NLGN1: variants seen among roughly 807,000 people sequenced by gnomAD.
The protein encoded by NLGN1 is neuroligin-1.
Under a neutral mutation model 65.5 loss-of-function variants are expected in NLGN1, and 12 were observed. That is an observed-to-expected ratio of 0.18 (90% CI 0.12 to 0.30). The LOEUF (loss-of-function observed/expected upper bound fraction) is 0.30, where lower values mean the gene tolerates loss of function less well. NLGN1 is among the 10% of genes least tolerant of loss of function. The pLI is 1.00. For missense variants in NLGN1, 750 were observed against 1,007.1 expected, an observed-to-expected ratio of 0.74 and a Z score of 3.46; for synonymous variants, 350 against 359.5, an observed-to-expected ratio of 0.97 and a Z score of 0.30.
At chr3:173,900,800 T>C (rs2152176155) in intron 4 of NLGN1, among the ~76,000 whole-genome samples, 1 of 152,098 alleles carries the variant, frequency 6.6e-6, no homozygotes, top group East Asian at 1.9e-4. Flanking sequence ...AGAATGACAG[T>C]AAAACAATTA....
chr3:173,842,871 C>T (rs1286751700), intron 4 of NLGN1, among the ~76,000 whole-genome samples: 1 of 152,196 alleles, frequency 6.6e-6, no homozygotes. Context: ...CTCCACTAGG[C>T]AGTGCCCTAG....
chr3:174,011,588 T>C lies in NLGN1; in HGVS notation c.646+203756T>C, dbSNP rs373893363. Among the ~76,000 whole-genome samples, 6 of 152,142 alleles carry C rather than the reference T, an allele frequency of 3.9e-5. No homozygotes were observed. The East Asian group carries it at 7.7e-4, about 20-fold the overall frequency. ...TACTAAAATGGTTGTAAGTGTGTAATTGCATTGAAGAAACCTGGGTTCAAG... is the reference window on the plus strand; with the variant it reads ...TACTAAAATGGTTGTAAGTGTGTAACTGCATTGAAGAAACCTGGGTTCAAG... On this transcript the variant is annotated intron_variant, in intron 4 of 6. Coordinates refer to ENST00000457714, the Ensembl canonical transcript of NLGN1.
chr3:173,492,339 C>G (rs945686438), intron 2 of NLGN1, among the ~76,000 whole-genome samples: 2 of 151,734 alleles, frequency 1.3e-5, no homozygotes, highest in African/African-American at 4.9e-5. Context: ...TTTAATGAGC[C>G]TAAGCATTTC....
chr3:173,660,018 A>G (rs1319812353), intron 3 of NLGN1, among the ~76,000 whole-genome samples: 1 of 151,810 alleles, frequency 6.6e-6, no homozygotes, highest in Non-Finnish European at 1.5e-5. Flanking sequence ...CTCCTTCTAT[A>G]CTTTGTTGAT....
chr3:174,141,918 ATTAT>A (rs1337371232), intron 4 of NLGN1, among the ~76,000 whole-genome samples: 1 of 152,220 alleles, frequency 6.6e-6, no homozygotes, highest in South Asian at 2.1e-4. Context: ...CTACATTTAT[ATTAT>A]TTATTTCATG....
intron 4 of NLGN1, among the ~76,000 whole-genome samples, chr3:173,846,687 T>G (rs1001195632): frequency 6.6e-6 from 1 of 152,214 alleles, no homozygotes; most frequent in African/African-American, 2.4e-5. Flanking sequence ...GACATTTTAC[T>G]CTACTGAGGA....
intron 4 of NLGN1, among the ~76,000 whole-genome samples, chr3:174,195,410 A>T (rs1733224305): frequency 6.6e-6 from 1 of 152,250 alleles, no homozygotes; most frequent in Admixed American, 6.5e-5. Context: ...AAAGTCCAGT[A>T]AGTAGACTTA....
At chr3:174,086,043 A>G (rs1053064565) in intron 4 of NLGN1, among the ~76,000 whole-genome samples, 1 of 151,954 alleles carries the variant, frequency 6.6e-6, no homozygotes, top group Admixed American at 6.6e-5. Context: ...TAATTTTTAA[A>G]AGGCCAAATA....
At chr3:173,742,368 A>G (rs375727323) in intron 3 of NLGN1, among the ~76,000 whole-genome samples, 4 of 152,014 alleles carry the variant, frequency 2.6e-5, no homozygotes, top group South Asian at 4.2e-4. Flanking sequence ...AATTGATTAA[A>G]TGTAATTAAC....
At chr3:173,552,015 T>G (rs1740950278) in intron 2 of NLGN1, among the ~76,000 whole-genome samples, 1 of 152,218 alleles carries the variant, frequency 6.6e-6, no homozygotes, top group Non-Finnish European at 1.5e-5. Context: ...ATTCAGGAGC[T>G]GGCTACTGTT....
At chr3:174,062,755 T>C (rs2152520804) in intron 4 of NLGN1, among the ~76,000 whole-genome samples, 1 of 152,192 alleles carries the variant, frequency 6.6e-6, no homozygotes, top group Non-Finnish European at 1.5e-5. Context: ...AAACAATATT[T>C]ATTAATACAT....
At chr3:174,168,969 G>A (rs546876722) in intron 4 of NLGN1, among the ~76,000 whole-genome samples, 2 of 152,252 alleles carry the variant, frequency 1.3e-5, no homozygotes, top group Admixed American at 6.5e-5. Flanking sequence ...GACTGAGTGT[G>A]GAACAGGGAA....
At chr3:174,149,964 A>G (rs1724023439) in intron 4 of NLGN1, among the ~76,000 whole-genome samples, 1 of 152,128 alleles carries the variant, frequency 6.6e-6, no homozygotes, top group Admixed American at 6.5e-5. Context: ...TATTCAATAC[A>G]TGGATAAATT....
chr3:173,412,160 A>C (rs1712704402), intron 1 of NLGN1, among the ~76,000 whole-genome samples: 1 of 152,230 alleles, frequency 6.6e-6, no homozygotes, highest in Non-Finnish European at 1.5e-5. Flanking sequence ...GTCCCTCTGC[A>C]GAATACTATT....
intron 2 of NLGN1, among the ~76,000 whole-genome samples, chr3:173,447,167 A>C (rs1441859812): frequency 6.6e-6 from 1 of 152,186 alleles, no homozygotes; most frequent in Non-Finnish European, 1.5e-5. Flanking sequence ...GGTAATGTCT[A>C]GGTTTTCTTC....
chr3:174,012,491 G>C (rs1305965601), intron 4 of NLGN1, among the ~76,000 whole-genome samples: 1 of 152,030 alleles, frequency 6.6e-6, no homozygotes, highest in East Asian at 1.9e-4. Flanking sequence ...ATATAATAAA[G>C]CATCCTCTAT....
chr3:174,022,987 C>T (rs1362679227), intron 4 of NLGN1, among the ~76,000 whole-genome samples: 1 of 151,940 alleles, frequency 6.6e-6, no homozygotes, highest in African/African-American at 2.4e-5. Flanking sequence ...TACTTCAATA[C>T]AATTTTACTT....
intron 4 of NLGN1, among the ~76,000 whole-genome samples, chr3:174,246,314 A>T (rs1364477013): frequency 3.3e-5 from 5 of 152,220 alleles, no homozygotes; most frequent in Non-Finnish European, 5.9e-5. Flanking sequence ...CTTTAAAGCC[A>T]ACTGTTTATT....
At chr3:173,815,623 C>A (rs893678500) in intron 4 of NLGN1, among the ~76,000 whole-genome samples, 2 of 152,108 alleles carry the variant, frequency 1.3e-5, no homozygotes, top group African/African-American at 4.8e-5. Flanking sequence ...CCTTTGCTGA[C>A]TCCTACTCTC....
Sources: allele counts gnomAD v4.1 joint callset (sites outside exome capture counted in the v4.1 genomes callset), GRCh38; gene constraint gnomAD v4.1.1; transcripts MANE v1.5; gene names NCBI Gene and HGNC (gene_info 2026-07-23, HGNC 2026-07-21).